FMN2: variants seen among roughly 807,000 people sequenced by gnomAD.
FMN2 encodes the protein formin-2.
FMN2 carries 51 observed loss-of-function variants against 142.3 expected under a neutral mutation model. The observed-to-expected ratio is 0.36, with a 90% confidence interval of 0.29 to 0.45. The LOEUF is 0.45. FMN2 is among the 20% of genes least tolerant of loss of function. The pLI is 1.00. For synonymous variants in FMN2, 882 were observed against 869.8 expected (o/e 1.01, Z -0.25); for missense variants, 1,936 against 2,122.8 (o/e 0.91, Z 1.73).
intron 14 of FMN2, among the ~76,000 whole-genome samples, chr1:240,380,603 G>T (rs767420733): frequency 6.6e-6 from 1 of 151,646 alleles, no homozygotes; most frequent in East Asian, 1.9e-4. Context: ...TAAGAGGAAC[G>T]TTTATAGCAT....
At chr1:240,344,433 A>AT (rs1381341814) in intron 13 of FMN2, among the ~76,000 whole-genome samples, 2 of 151,950 alleles carry the variant, frequency 1.3e-5, no homozygotes, top group South Asian at 2.1e-4. Context: ...TTCATTTGTG[A>AT]TTTTTTTCCC....
intron 7 of FMN2, among the ~76,000 whole-genome samples, chr1:240,284,344 G>C (rs1181268619): frequency 6.6e-6 from 1 of 152,074 alleles, no homozygotes; most frequent in Non-Finnish European, 1.5e-5. Context: ...TTAAGCTGGG[G>C]GGGAGGATTG....
intron 2 of FMN2, among the ~76,000 whole-genome samples, chr1:240,169,964 A>T (rs568840066): frequency 1.3e-5 from 2 of 152,306 alleles, no homozygotes; most frequent in South Asian, 4.1e-4. Flanking sequence ...GCCTTGATAG[A>T]CAATTGAGCT....
At position 240,188,254 on chromosome 1, in the gene FMN2, G is replaced by C. The variant is rs753798486; in HGVS notation, c.1978G>C (p.Val660Leu). Residue 660 changes from valine (V) to leucine (L), a missense_variant, in exon 4 of 18, where the codon GTC becomes CTC. By Grantham distance (32) the Val-to-Leu change is conservative. Transcript: ENST00000319653. The stretch of plus-strand genomic sequence containing the variant: ...AACTCCCCAAAAACGCTCAGATGCT[G>C]TCCAGAAGGTAAGATGATCTTATTA... ...SETPQKRSDA[V>L]QKEVVDMKSE... The C allele has an allele frequency of 8.7e-6, 14 of 1,613,480 alleles. No individual in the cohort carries two copies. The South Asian group carries it at 1.3e-4, about 15-fold the overall frequency.
rs144021481 is a variant in FMN2 at position 240,211,151 on chromosome 1, A to G, written c.3981A>G (p.Glu1327=). 3 of 1,613,516 alleles carry G rather than the reference A, an allele frequency of 1.9e-6. No homozygotes were observed. The highest frequency in any genetic ancestry group is 1.3e-5 in the African/African-American group (1 of 74,910). The change falls in exon 6 of 18, where the codon GAA becomes GAG. Residue 1327 remains glutamate (E), a synonymous_variant. Coordinates refer to ENST00000319653, the MANE Select transcript of FMN2 (RefSeq NM_020066.5). ...AAGAGCCATCCATAGATTGTCATGA[A>G]TTTGAGGAATTATTTTCTAAAACTG... is the stretch of plus-strand genomic sequence containing the variant. ...KIEEPSIDCH[E]FEELFSKTAV...
intron 13 of FMN2, among the ~76,000 whole-genome samples, chr1:240,342,085 A>G (rs1671762890): frequency 2.0e-5 from 3 of 152,150 alleles, no homozygotes. Context: ...CTCCACGATC[A>G]TAGTTCGATG....
chr1:240,093,322 C>G lies in FMN2; in HGVS notation c.1213C>G (p.Gln405Glu), dbSNP rs955109983. 6.8e-6 allele frequency: 11 copies of G among 1,611,480 alleles called. No individual in the cohort carries two copies. The highest frequency in any genetic ancestry group is 9.3e-6 in the Non-Finnish European group (11 of 1,179,048). ...ASLPGSPAPSQRCFKPYPLIT... is the reference protein window; with the variant it reads ...ASLPGSPAPSERCFKPYPLIT... The stretch of plus-strand genomic sequence containing the variant: ...CCTGCCCGGCAGCCCCGCGCCTAGC[C>G]AGCGCTGTTTCAAGCCCTACCCGCT... The change falls in exon 1 of 18, where the codon CAG becomes GAG. Residue 405 changes from glutamine to glutamate, a missense_variant. Gln to Glu is a conservative substitution (Grantham distance 29). This residue lies in a region of FMN2 where 751 missense variants were observed against 791.8 expected (regional missense o/e 0.95). Transcript: ENST00000319653.
At chr1:240,290,649 GAC>G (rs1669747772) in intron 7 of FMN2, among the ~76,000 whole-genome samples, 1 of 151,996 alleles carries the variant, frequency 6.6e-6, no homozygotes, top group South Asian at 2.1e-4. Context: ...CTTGATCAAA[GAC>G]ACACAGCCAT....
At chr1:240,386,253 G>A (rs920938353) in intron 14 of FMN2, among the ~76,000 whole-genome samples, 1 of 152,150 alleles carries the variant, frequency 6.6e-6, no homozygotes, top group East Asian at 1.9e-4. Flanking sequence ...TGAGTCAGAA[G>A]AAAGGCACTG....
chr1:240,138,064 C>CAAAAAAA (rs369637580), intron 2 of FMN2, among the ~76,000 whole-genome samples: 5 of 95,528 alleles, frequency 5.2e-5, no homozygotes, highest in Non-Finnish European at 8.7e-5. Context: ...GACTCCATCT[C>CAAAAAAA]AAAAAAAAAA....
rs114341479 is a variant in FMN2, at chr1:240,191,468, T to G, written c.1986+3206T>G. 1.5e-3 allele frequency among the ~76,000 whole-genome samples: 233 copies of G among 152,336 alleles called. 1 individual carries two copies. The highest frequency in any genetic ancestry group is 5.3e-3 in the African/African-American group (219 of 41,574). On this transcript the variant is annotated intron_variant, in intron 4 of 17. Coordinates refer to ENST00000319653, the MANE Select transcript of FMN2 (RefSeq NM_020066.5). ...AATTAGGTTTTCAAATAAAATTACATTCTTGAGACCTCACTTACTGATTAT... is the reference window on the plus strand; with the variant it reads ...AATTAGGTTTTCAAATAAAATTACAGTCTTGAGACCTCACTTACTGATTAT...
intron 6 of FMN2, among the ~76,000 whole-genome samples, chr1:240,256,583 A>AC (rs1253371369): frequency 1.3e-4 from 14 of 107,906 alleles, no homozygotes; most frequent in Admixed American, 1.1e-4. Context: ...CACTAAAAAT[A>AC]CAAAAAAAAA....
At chr1:240,325,892 G>A (rs530653502) in intron 8 of FMN2, among the ~76,000 whole-genome samples, 3 of 152,314 alleles carry the variant, frequency 2.0e-5, no homozygotes, top group South Asian at 4.1e-4. Flanking sequence ...TTGTTGAGGC[G>A]TGAGCTATGG....
In FMN2 at chr1:240,208,103, C is replaced by G; in HGVS notation, c.3291C>G (p.Pro1097=). Residue 1097 remains proline, a synonymous_variant, in exon 5 of 18, where the codon CCC becomes CCG. Coordinates refer to ENST00000319653, the MANE Select transcript of FMN2 (RefSeq NM_020066.5). The part of the protein sequence containing the change: ...PPPPLPGAGI[P]PPPPLPGVGI... ...CCCCTCTACCCGGAGCGGGCATACC[C>G]CCTCCGCCCCCTCTACCCGGAGTGG... is the stretch of plus-strand genomic sequence containing the variant. 2 of 948,536 alleles carry G rather than the reference C, an allele frequency of 2.1e-6. No individual in the cohort carries two copies. The highest frequency in any genetic ancestry group is 4.3e-5 in the Admixed American group (2 of 46,656). 58.8% of individuals were successfully genotyped at this position (948,536 alleles called of 1,614,324 possible).
chr1:240,316,722 TG>T (rs1171225827), intron 8 of FMN2, among the ~76,000 whole-genome samples: 1 of 152,166 alleles, frequency 6.6e-6, no homozygotes, highest in East Asian at 1.9e-4. Flanking sequence ...TGGCTCATTT[TG>T]TTTTTTTTCT....
intron 6 of FMN2, among the ~76,000 whole-genome samples, chr1:240,233,421 C>A (rs958795716): frequency 2.6e-5 from 4 of 151,536 alleles, no homozygotes; most frequent in African/African-American, 9.7e-5. Context: ...GTGTATGGGT[C>A]TATCTTCCTT....
intron 15 of FMN2, among the ~76,000 whole-genome samples, chr1:240,428,715 G>A (rs1256553982): frequency 6.6e-6 from 1 of 152,170 alleles, no homozygotes; most frequent in Non-Finnish European, 1.5e-5. Flanking sequence ...GTTAACATAT[G>A]CATTACCTTA....
chr1:240,235,311 T>C (rs937555123), intron 6 of FMN2, among the ~76,000 whole-genome samples: 2 of 152,220 alleles, frequency 1.3e-5, no homozygotes, highest in Non-Finnish European at 2.9e-5. Flanking sequence ...AAGATATCAG[T>C]CTATGGTGAA....
chr1:240,406,106 G>A (rs1432661138), intron 15 of FMN2, among the ~76,000 whole-genome samples: 1 of 100,764 alleles, frequency 9.9e-6, no homozygotes, highest in South Asian at 4.0e-4. Context: ...CCTCGGGAGT[G>A]GGGGAAGCGA....
Sources: allele counts gnomAD v4.1 joint callset (sites outside exome capture counted in the v4.1 genomes callset), GRCh38; gene constraint gnomAD v4.1.1; regional missense constraint gnomAD v4.1.1; transcripts MANE v1.5; gene names NCBI Gene and HGNC (gene_info 2026-07-23, HGNC 2026-07-21).